The following GALNT2 variants were observed in gnomAD, a reference collection of about 807,000 sequenced individuals.
The protein encoded by GALNT2 is polypeptide N-acetylgalactosaminyltransferase 2.
A neutral mutation model predicts 81.4 loss-of-function variants in GALNT2; 31 were observed. The observed-to-expected ratio is 0.38, with a 90% CI of 0.29 to 0.51. The LOEUF is 0.51. GALNT2 is among the 20% of genes least tolerant of loss of function. The pLI, the probability that GALNT2 is intolerant of heterozygous loss-of-function variation, is 0.87. For synonymous variants in GALNT2, 303 were observed against 287.4 expected (o/e 1.05, Z -0.55); for missense variants, 629 against 765.7 (o/e 0.82, Z 2.11).
chr1:230,250,990 A>G (rs1418358138), intron 10 of GALNT2, among the ~76,000 whole-genome samples: 3 of 152,188 alleles, frequency 2.0e-5, no homozygotes, highest in Non-Finnish European at 4.4e-5. Flanking sequence ...AGGCCTTGGC[A>G]CTTAATCCCT....
intron 1 of GALNT2, among the ~76,000 whole-genome samples, chr1:230,069,629 GTCT>G (rs760089871): frequency 1.3e-5 from 2 of 152,088 alleles, no homozygotes; most frequent in Non-Finnish European, 2.9e-5. Flanking sequence ...AAATCGTGTA[GTCT>G]TCTTTCTTCC....
chr1:230,197,952 G>A (rs1035050610), intron 2 of GALNT2, among the ~76,000 whole-genome samples: 5 of 152,120 alleles, frequency 3.3e-5, no homozygotes, highest in African/African-American at 1.2e-4. Flanking sequence ...CAGGCTTTGC[G>A]GTGGAACACA....
chr1:230,212,121 G>A (rs1664251901), intron 3 of GALNT2, among the ~76,000 whole-genome samples: 1 of 152,214 alleles, frequency 6.6e-6, no homozygotes, highest in Non-Finnish European at 1.5e-5. Context: ...ACTTGTCTAT[G>A]AGGCAGACGA....
chr1:230,235,405 T>C (rs1664996837), intron 3 of GALNT2, among the ~76,000 whole-genome samples: 1 of 152,060 alleles, frequency 6.6e-6, no homozygotes, highest in South Asian at 2.1e-4. Context: ...TCAGGCAGGC[T>C]CAGGGTCCCA....
intron 1 of GALNT2, among the ~76,000 whole-genome samples, chr1:230,111,929 T>A (rs189788558): frequency 4.6e-5 from 6 of 130,634 alleles, no homozygotes; most frequent in South Asian, 2.5e-4. Flanking sequence ...TTTTTTTTTT[T>A]AAACATATCC....
chr1:230,108,147 G>A (rs1431036044), intron 1 of GALNT2, among the ~76,000 whole-genome samples: 1 of 152,206 alleles, frequency 6.6e-6, no homozygotes, highest in African/African-American at 2.4e-5. Flanking sequence ...CCTGAGCCAC[G>A]TGGAACTGGT....
chr1:230,185,273 C>CGTGTGT lies in GALNT2; in HGVS notation c.220+6986_220+6991dup, dbSNP rs1177553093. Among the ~76,000 whole-genome samples, 479 of 119,500 alleles carry CGTGTGT rather than the reference C, an allele frequency of 4.0e-3. 4 individuals are homozygous for CGTGTGT. Among genetic ancestry groups the CGTGTGT allele is most frequent in the African/African-American group, 0.014 (458 of 33,284 alleles). 78.4% of individuals were successfully genotyped at this position (119,500 alleles called of 152,430 possible). ...TGTCTCTTTAAACTGTGCGTGCGTG[C>CGTGTGT]GTGTGTGTGTGTGTGTGTGTGTGTG... On this transcript the variant is annotated intron_variant, in intron 2 of 15. Transcript: ENST00000366672.
intron 1 of GALNT2, 124 bp from the exon 2 acceptor site, chr1:230,178,094 C>T: frequency 1.6e-6 from 1 of 642,224 alleles, no homozygotes; most frequent in South Asian, 2.3e-5. Flanking sequence ...TGCCCTCCCT[C>T]CTGCTCATCA....
intron 1 of GALNT2, among the ~76,000 whole-genome samples, chr1:230,093,555 G>A (rs1660156590): frequency 6.6e-6 from 1 of 152,240 alleles, no homozygotes; most frequent in Non-Finnish European, 1.5e-5. Flanking sequence ...AGCACAGAGT[G>A]GTTGTTACGG....
chr1:230,083,048 T>TGGGATGATGGAGGAGGGAAGCC (rs1659786131), intron 1 of GALNT2, among the ~76,000 whole-genome samples: 1 of 140,034 alleles, frequency 7.1e-6, no homozygotes, highest in Non-Finnish European at 1.5e-5. Flanking sequence ...GGAGGGAAGC[T>TGGGATGATGGAGGAGGGAAGCC]GGGATGATGG....
At chr1:230,098,337 C>T (rs7530960) in intron 1 of GALNT2, among the ~76,000 whole-genome samples, 64,904 of 151,580 alleles carry the variant, frequency 0.43, 13,875 homozygotes, top group South Asian at 0.53. Flanking sequence ...GGATAGCATT[C>T]TTTTTAGAAT....
upstream of GALNT2, among the ~76,000 whole-genome samples, chr1:230,065,299 C>T (rs548757791): frequency 1.3e-5 from 2 of 152,066 alleles, no homozygotes; most frequent in African/African-American, 4.8e-5. Flanking sequence ...TGTAATTATT[C>T]TTTGTTTCTG....
intron 8 of GALNT2, among the ~76,000 whole-genome samples, chr1:230,246,616 C>T (rs1040950453): frequency 2.6e-5 from 4 of 152,094 alleles, no homozygotes; most frequent in Non-Finnish European, 5.9e-5. Flanking sequence ...ATCCTCAACC[C>T]CCTCGCCCTC....
chr1:230,082,077 A>C (rs558912976), intron 1 of GALNT2, among the ~76,000 whole-genome samples: 1 of 152,120 alleles, frequency 6.6e-6, no homozygotes, highest in Non-Finnish European at 1.5e-5. Flanking sequence ...GTCAGTGGTG[A>C]CATCAGGTGT....
intron 2 of GALNT2, among the ~76,000 whole-genome samples, chr1:230,201,766 G>T (rs1296060048): frequency 3.9e-5 from 6 of 152,186 alleles, no homozygotes; most frequent in Non-Finnish European, 8.8e-5. Context: ...GAATGGGCAT[G>T]CTCATGTCGA....
chr1:230,277,142 G>C (rs1173727799), intron 15 of GALNT2, among the ~76,000 whole-genome samples: 2 of 152,130 alleles, frequency 1.3e-5, no homozygotes, highest in Non-Finnish European at 2.9e-5. Context: ...AGTTTTTCTG[G>C]ATGTATGGCA....
intron 2 of GALNT2, among the ~76,000 whole-genome samples, chr1:230,179,267 G>T (rs931836860): frequency 6.6e-6 from 1 of 152,050 alleles, no homozygotes; most frequent in Non-Finnish European, 1.5e-5. Flanking sequence ...AAATATCTAT[G>T]TACCAGTTTT....
At chr1:230,235,322 A>C (rs1664994017) in intron 3 of GALNT2, among the ~76,000 whole-genome samples, 1 of 150,994 alleles carries the variant, frequency 6.6e-6, no homozygotes, top group African/African-American at 2.4e-5. Context: ...CCTGCTTTGT[A>C]GGTCTGGCCT....
In GALNT2 at chr1:230,115,873, A is replaced by T. The variant is rs140435684; in HGVS notation, c.126+48467A>T. 5.9e-3 allele frequency among the ~76,000 whole-genome samples: 894 copies of T among 152,340 alleles called. 7 individuals are homozygous for T. The highest frequency in any genetic ancestry group is 0.019 in the East Asian group (97 of 5,190). The stretch of plus-strand genomic sequence containing the variant: ...ACATGCTCACAGCATGTTCCCTAGG[A>T]ATAGATTCCATCTCAGGAAACCACT... On this transcript the variant is annotated intron_variant, in intron 1 of 15. Coordinates refer to ENST00000366672, the MANE Select transcript of GALNT2 (RefSeq NM_004481.5).
Sources: gnomAD v4.1 joint callset for allele counts (sites outside exome capture counted in the v4.1 genomes callset) on GRCh38, gnomAD v4.1.1 for gene constraint, MANE v1.5 for transcripts, NCBI Gene and HGNC (gene_info 2026-07-23, HGNC 2026-07-21) for gene names.